Variants in BNC2 observed in about 807,000 individuals in gnomAD.
The protein encoded by BNC2 is basonuclin zinc finger protein 2.
BNC2 carries 20 observed loss-of-function variants against 76.3 expected under a neutral mutation model. That is an observed-to-expected ratio of 0.26 (90% CI 0.18 to 0.38). The LOEUF (loss-of-function observed/expected upper bound fraction) is 0.38, where lower values mean the gene tolerates loss of function less well. BNC2 is among the 10% of genes least tolerant of loss of function. BNC2 has a pLI of 1.00. For missense variants in BNC2, 1,382 were observed against 1,399.8 expected, an observed-to-expected ratio of 0.99 and a Z score of 0.20; for synonymous variants, 582 against 514.8, an observed-to-expected ratio of 1.13 and a Z score of -1.77.
chr9:16,553,545 T>C (rs1239097075), intron 4 of BNC2, among the ~76,000 whole-genome samples: 1 of 152,162 alleles, frequency 6.6e-6, no homozygotes, highest in African/African-American at 2.4e-5. Flanking sequence ...AGGGTACAGA[T>C]GAAAATGGAA....
chr9:16,532,564 A>C (rs555010935), intron 5 of BNC2, among the ~76,000 whole-genome samples: 135 of 152,328 alleles, frequency 8.9e-4, no homozygotes, highest in African/African-American at 3.1e-3. Flanking sequence ...GCTGATTGCT[A>C]AACATTCGGA....
At chr9:16,474,130 T>G (rs1488799417) in intron 5 of BNC2, among the ~76,000 whole-genome samples, 1 of 152,208 alleles carries the variant, frequency 6.6e-6, no homozygotes, top group Non-Finnish European at 1.5e-5. Flanking sequence ...ACTGTAATTT[T>G]TAACTGCACT....
chr9:16,798,136 T>C (rs1405234120), intron 1 of BNC2, among the ~76,000 whole-genome samples: 1 of 152,208 alleles, frequency 6.6e-6, no homozygotes, highest in Non-Finnish European at 1.5e-5. Context: ...CTTTCTATTC[T>C]AAATTTCTGC....
chr9:16,575,860 A>G (rs1819469650), intron 4 of BNC2, among the ~76,000 whole-genome samples: 1 of 152,246 alleles, frequency 6.6e-6, no homozygotes, highest in South Asian at 2.1e-4. Context: ...CCTGAGCAAA[A>G]GAGAATTTTG....
chr9:16,796,917 A>T (rs1388769228), intron 1 of BNC2, among the ~76,000 whole-genome samples: 2 of 152,170 alleles, frequency 1.3e-5, no homozygotes, highest in African/African-American at 4.8e-5. Context: ...AATTGTCGCA[A>T]GTTGAACACT....
At chr9:16,543,807 A>C (rs1480352858) in intron 5 of BNC2, among the ~76,000 whole-genome samples, 1 of 152,162 alleles carries the variant, frequency 6.6e-6, no homozygotes, top group Non-Finnish European at 1.5e-5. Context: ...TTTAAAACCA[A>C]GGATAATAGT....
At position 16,644,451 on chromosome 9, in the gene BNC2, T is replaced by C. The variant is rs192926030; in HGVS notation, c.331-61366A>G. Among the ~76,000 whole-genome samples the C allele has an allele frequency of 3.6e-3, 553 of 152,250 alleles. 4 individuals are homozygous for C. Among genetic ancestry groups the C allele is most frequent in the African/African-American group, 0.012 (515 of 41,562 alleles). Reference sequence around the variant, plus strand: ...AAACTTAAAATTAAAGCTGGTACTATCTAATCATGATGACTATTAATAGAA... The same window carrying C: ...AAACTTAAAATTAAAGCTGGTACTACCTAATCATGATGACTATTAATAGAA... On this transcript the variant is annotated intron_variant, in intron 3 of 6. Coordinates refer to ENST00000380672, the MANE Select transcript of BNC2 (RefSeq NM_017637.6).
At chr9:16,541,247 A>C (rs1371601781) in intron 5 of BNC2, among the ~76,000 whole-genome samples, 1 of 152,216 alleles carries the variant, frequency 6.6e-6, no homozygotes, top group Non-Finnish European at 1.5e-5. Flanking sequence ...CTCATATTTT[A>C]AAGCAATAAA....
intron 2 of BNC2, among the ~76,000 whole-genome samples, chr9:16,734,690 T>C (rs1409410849): frequency 6.6e-6 from 1 of 152,184 alleles, no homozygotes; most frequent in Non-Finnish European, 1.5e-5. Flanking sequence ...TATGGTCCAG[T>C]GTTTACACAT....
At chr9:16,459,992 G>C (rs1404527610) in intron 5 of BNC2, among the ~76,000 whole-genome samples, 1 of 152,196 alleles carries the variant, frequency 6.6e-6, no homozygotes, top group African/African-American at 2.4e-5. Flanking sequence ...GTGCAAGTGA[G>C]TAGACTGTTG....
Position 16,806,215 on chromosome 9 carries a change from C to A in BNC2, c.3+64431G>T, listed in dbSNP as rs143944080. On this transcript the variant is annotated intron_variant, in intron 1 of 6. Coordinates refer to ENST00000380672, the MANE Select transcript of BNC2 (RefSeq NM_017637.6). ...AATAGGCCAGGCACAGTAGCTCATG[C>A]CTATAATCCCAGCGTTCTGGGAGGC... 4.1e-4 allele frequency among the ~76,000 whole-genome samples: 63 copies of A among 152,242 alleles called. No individual in the cohort carries two copies. The South Asian group carries it at 5.4e-3, about 13-fold the overall frequency.
chr9:16,727,542 A>C, intron 3 of BNC2: 1 of 504,392 alleles, frequency 2.0e-6, no homozygotes, highest in Admixed American at 3.6e-5. Context: ...TGTACTGTGA[A>C]ACTTTTCAAC....
intron 5 of BNC2, among the ~76,000 whole-genome samples, chr9:16,492,107 C>G (rs1442923449): frequency 6.6e-6 from 1 of 151,934 alleles, no homozygotes; most frequent in African/African-American, 2.4e-5. Flanking sequence ...AAGTTGAATG[C>G]TTTAGGGAGT....
intron 4 of BNC2, among the ~76,000 whole-genome samples, chr9:16,573,181 T>C (rs1272952409): frequency 6.8e-6 from 1 of 147,280 alleles, no homozygotes; most frequent in Admixed American, 6.8e-5. Flanking sequence ...TGAGATGACA[T>C]TGCACCATTG....
chr9:16,744,429 G>A (rs944451135), intron 1 of BNC2, among the ~76,000 whole-genome samples: 15 of 152,138 alleles, frequency 9.9e-5, no homozygotes, highest in Admixed American at 7.2e-4. Flanking sequence ...GGAGAAGACT[G>A]GTTTCTTGTA....
At chr9:16,583,556 G>A (rs1819686263) in intron 3 of BNC2, among the ~76,000 whole-genome samples, 1 of 152,056 alleles carries the variant, frequency 6.6e-6, no homozygotes, top group Admixed American at 6.6e-5. Context: ...TTCTTCTGCT[G>A]AATTTCAATT....
intron 3 of BNC2, among the ~76,000 whole-genome samples, chr9:16,680,836 C>T (rs1822801770): frequency 6.6e-6 from 1 of 152,002 alleles, no homozygotes; most frequent in Non-Finnish European, 1.5e-5. Context: ...ACTTCAGATT[C>T]CTCTGAAACT....
chr9:16,497,095 C>G (rs1227131629), intron 5 of BNC2, among the ~76,000 whole-genome samples: 2 of 152,230 alleles, frequency 1.3e-5, no homozygotes, highest in Non-Finnish European at 2.9e-5. Flanking sequence ...GGGAAGGGCT[C>G]AGAGAGTCTG....
intron 3 of BNC2, among the ~76,000 whole-genome samples, chr9:16,615,862 G>A (rs529917960): frequency 1.3e-5 from 2 of 152,188 alleles, no homozygotes; most frequent in Non-Finnish European, 2.9e-5. Context: ...TGACAATTGA[G>A]CATGATTGGT....
Sources: gnomAD v4.1 joint callset for allele counts (sites outside exome capture counted in the v4.1 genomes callset) on GRCh38, gnomAD v4.1.1 for gene constraint, MANE v1.5 for transcripts, NCBI Gene and HGNC (gene_info 2026-07-23, HGNC 2026-07-21) for gene names.